Variants in ATXN8OS observed in about 807,000 individuals in gnomAD.
ATXN8OS encodes the protein ATXN8 opposite strand lncRNA.
At chr13:70,159,534 A>T (rs73522632) in intron 4 of ATXN8OS, among the ~76,000 whole-genome samples, 27 of 152,178 alleles carry the variant, frequency 1.8e-4, no homozygotes, top group African/African-American at 6.5e-4. Context: ...GAACTTTATG[A>T]TTATTATGGA....
intron 4 of ATXN8OS, among the ~76,000 whole-genome samples, chr13:70,153,400 C>T (rs1888896469): frequency 6.6e-6 from 1 of 151,682 alleles, no homozygotes; most frequent in African/African-American, 2.4e-5. Context: ...TAGTGAAATC[C>T]CATCTCTACT....
At chr13:70,156,779 A>G (rs1009035084) in intron 4 of ATXN8OS, among the ~76,000 whole-genome samples, 9 of 152,146 alleles carry the variant, frequency 5.9e-5, no homozygotes, top group Non-Finnish European at 8.8e-5. Flanking sequence ...TTAGCTTCAA[A>G]TTTTTATTTC....
intron 4 of ATXN8OS, among the ~76,000 whole-genome samples, chr13:70,165,980 C>G (rs964220886): frequency 6.6e-6 from 1 of 152,016 alleles, no homozygotes; most frequent in Admixed American, 6.6e-5. Flanking sequence ...TTCCTTAACA[C>G]ATTTTCCTTT....
chr13:70,133,099 G>A (rs1270352381), intron 3 of ATXN8OS, among the ~76,000 whole-genome samples: 1 of 152,132 alleles, frequency 6.6e-6, no homozygotes, highest in Non-Finnish European at 1.5e-5. Context: ...GCAGTTTATG[G>A]CTGTATCAGA....
chr13:70,114,313 C>T (rs575630419), intron 1 of ATXN8OS, among the ~76,000 whole-genome samples: 1 of 152,284 alleles, frequency 6.6e-6, no homozygotes, highest in South Asian at 2.1e-4. Context: ...CTGTATAACT[C>T]TAGTCACTGG....
chr13:70,128,147 T>C (rs1356077521), intron 2 of ATXN8OS, among the ~76,000 whole-genome samples: 1 of 152,164 alleles, frequency 6.6e-6, no homozygotes, highest in Non-Finnish European at 1.5e-5. Context: ...TTTTGTTTAT[T>C]TCGCCTTACA....
chr13:70,127,667 CA>C (rs1481428836), intron 2 of ATXN8OS, among the ~76,000 whole-genome samples: 221 of 107,950 alleles, frequency 2.0e-3, no homozygotes, highest in African/African-American at 6.3e-3. Context: ...TGAAAACAAA[CA>C]TTTTTTTTTT....
At chr13:70,119,991 A>C (rs1271288354) in intron 2 of ATXN8OS, among the ~76,000 whole-genome samples, 1 of 152,104 alleles carries the variant, frequency 6.6e-6, no homozygotes, top group East Asian at 1.9e-4. Flanking sequence ...TGCAGTTTAC[A>C]TTTACTTATT....
At chr13:70,168,593 A>ATTT (rs377197453) in intron 4 of ATXN8OS, among the ~76,000 whole-genome samples, 23 of 138,468 alleles carry the variant, frequency 1.7e-4, no homozygotes, top group African/African-American at 5.9e-4. Flanking sequence ...CTGTGACATC[A>ATTT]TTTTTTTTTT....
rs528852517 is a variant in ATXN8OS at position 70,142,147 on chromosome 13, G to A, written n.500-5208G>A. 3.9e-5 allele frequency among the ~76,000 whole-genome samples: 6 copies of A among 152,252 alleles called. No individual in the cohort carries two copies. In the South Asian group the frequency reaches 1.2e-3, roughly 32 times the overall value. On this transcript the variant is annotated intron_variant and non_coding_transcript_variant, in intron 3 of 4. Coordinates refer to ENST00000678624, the Ensembl canonical transcript of ATXN8OS. ...GATCCACCTGCCTCGGCCTCCCAAA[G>A]TGCTGGGATTACAGGCATGAGCCAC...
At chr13:70,119,087 G>C (rs1177134857) in intron 2 of ATXN8OS, among the ~76,000 whole-genome samples, 4 of 151,960 alleles carry the variant, frequency 2.6e-5, no homozygotes, top group East Asian at 1.9e-4. Context: ...ACATATCTTG[G>C]CAGAAGACAG....
At chr13:70,141,515 G>A (rs1489126365) in intron 3 of ATXN8OS, among the ~76,000 whole-genome samples, 1 of 152,018 alleles carries the variant, frequency 6.6e-6, no homozygotes, top group Admixed American at 6.6e-5. Flanking sequence ...ATACAAAGAG[G>A]ATATAGTATC....
At chr13:70,118,280 G>A (rs542782004) in intron 2 of ATXN8OS, among the ~76,000 whole-genome samples, 1 of 152,122 alleles carries the variant, frequency 6.6e-6, no homozygotes, top group South Asian at 2.1e-4. Flanking sequence ...TAACAGAAAT[G>A]ACATTTCACT....
At chr13:70,153,714 C>T (rs1429422986) in intron 4 of ATXN8OS, among the ~76,000 whole-genome samples, 1 of 152,158 alleles carries the variant, frequency 6.6e-6, no homozygotes, top group Non-Finnish European at 1.5e-5. Flanking sequence ...GGGTCTTGCT[C>T]TGTGACCTAG....
chr13:70,115,773 T>A lies in ATXN8OS; in HGVS notation n.398+475T>A, dbSNP rs377694408. ...GGTCAGGAAACATATAATACTTTTTTTAAAAAGTACTGTGAAACTGTGGTT... is the reference window on the plus strand; with the variant it reads ...GGTCAGGAAACATATAATACTTTTTATAAAAAGTACTGTGAAACTGTGGTT... On this transcript the variant is annotated intron_variant and non_coding_transcript_variant, in intron 2 of 4. Transcript: ENST00000678624. Among the ~76,000 whole-genome samples, 49 of 152,226 alleles carry A rather than the reference T, an allele frequency of 3.2e-4. 1 individual carries two copies. In the East Asian group the frequency reaches 7.5e-3, roughly 23 times the overall value.
intron 3 of ATXN8OS, chr13:70,131,644 C>G: frequency 5.0e-6 from 2 of 396,530 alleles, no homozygotes; most frequent in Non-Finnish European, 8.9e-6. Context: ...GCTCAGATAT[C>G]CTTTTCTCAT....
chr13:70,136,012 C>T (rs1201036835), intron 3 of ATXN8OS, among the ~76,000 whole-genome samples: 2 of 152,152 alleles, frequency 1.3e-5, no homozygotes, highest in Admixed American at 6.5e-5. Flanking sequence ...TTCTGCTGAA[C>T]AGTGTGAGCA....
chr13:70,138,384 T>C (rs971315533), intron 3 of ATXN8OS, among the ~76,000 whole-genome samples: 1 of 48,320 alleles, frequency 2.1e-5, no homozygotes, highest in Non-Finnish European at 3.6e-5. Context: ...TAAATGTTAA[T>C]TTTTTATCAA....
intron 4 of ATXN8OS, among the ~76,000 whole-genome samples, chr13:70,160,434 G>T (rs906891486): frequency 1.3e-5 from 2 of 151,802 alleles, no homozygotes; most frequent in African/African-American, 4.8e-5. Context: ...TGCAGTGTCT[G>T]GTGACAGCAC....
Sources: allele counts gnomAD v4.1 joint callset (sites outside exome capture counted in the v4.1 genomes callset), GRCh38; gene constraint gnomAD v4.1.1; transcripts MANE v1.5; gene names NCBI Gene and HGNC (gene_info 2026-07-23, HGNC 2026-07-21).